Variants in CDK14 observed in about 807,000 individuals in gnomAD.
The protein encoded by CDK14 is cyclin dependent kinase 14.
A neutral mutation model predicts 60.7 loss-of-function variants in CDK14; 34 were observed. The ratio of observed to expected loss-of-function variants is 0.56; its 90% CI spans 0.43 to 0.75. The LOEUF is 0.75. Among genes scored for constraint, CDK14 ranks in the 30% least tolerant of loss-of-function variants. The pLI, the probability that CDK14 is intolerant of heterozygous loss-of-function variation, is 0.00. For missense variants in CDK14, 482 were observed against 564.1 expected (o/e 0.85, Z 1.47); for synonymous variants, 197 against 203.7 (o/e 0.97, Z 0.28).
At chr7:91,130,956 G>A (rs1254837433) in intron 14 of CDK14, among the ~76,000 whole-genome samples, 2 of 152,080 alleles carry the variant, frequency 1.3e-5, no homozygotes, top group African/African-American at 4.8e-5. Context: ...CAGAAAACGG[G>A]ACTTGGGTCT....
chr7:91,056,532 A>C (rs1022144047), intron 11 of CDK14, among the ~76,000 whole-genome samples: 2 of 152,040 alleles, frequency 1.3e-5, no homozygotes, highest in Non-Finnish European at 2.9e-5. Context: ...AACATTAGGA[A>C]TATCTCCTAA....
At chr7:90,692,097 C>G (rs1801564832) in intron 2 of CDK14, among the ~76,000 whole-genome samples, 1 of 152,138 alleles carries the variant, frequency 6.6e-6, no homozygotes, top group African/African-American at 2.4e-5. Context: ...ATGGTGTGCT[C>G]CAATCTGCGA....
chr7:90,815,621 T>A (rs1789318339), intron 5 of CDK14, among the ~76,000 whole-genome samples: 1 of 152,206 alleles, frequency 6.6e-6, no homozygotes, highest in Non-Finnish European at 1.5e-5. Flanking sequence ...TACACACATA[T>A]GTTTATTGTG....
chr7:91,120,294 G>A (rs1438753518), intron 14 of CDK14, among the ~76,000 whole-genome samples: 1 of 152,192 alleles, frequency 6.6e-6, no homozygotes, highest in East Asian at 1.9e-4. Flanking sequence ...CAGGACAGAA[G>A]GGTTGCTCAG....
At chr7:90,790,314 T>C (rs1805779148) in intron 4 of CDK14, among the ~76,000 whole-genome samples, 1 of 152,162 alleles carries the variant, frequency 6.6e-6, no homozygotes, top group Non-Finnish European at 1.5e-5. Context: ...AATACTAGTT[T>C]CATTCTGGAA....
intron 10 of CDK14, among the ~76,000 whole-genome samples, chr7:91,045,156 G>A (rs1032134472): frequency 3.3e-5 from 5 of 152,094 alleles, no homozygotes; most frequent in Non-Finnish European, 7.4e-5. Flanking sequence ...TCTGTTCTCA[G>A]TCAGTGATTT....
intron 13 of CDK14, among the ~76,000 whole-genome samples, chr7:91,114,233 A>C (rs1206845809): frequency 6.6e-6 from 1 of 152,148 alleles, no homozygotes; most frequent in African/African-American, 2.4e-5. Context: ...ATGGTCTATG[A>C]ATTCTGAATT....
chr7:90,876,404 T>C (rs1039028655), intron 6 of CDK14, among the ~76,000 whole-genome samples: 7 of 152,230 alleles, frequency 4.6e-5, no homozygotes, highest in Admixed American at 2.6e-4. Context: ...GGGGCAGTTA[T>C]CTGTATAAGC....
At chr7:90,831,455 G>A (rs1042328748) in intron 5 of CDK14, among the ~76,000 whole-genome samples, 4 of 152,194 alleles carry the variant, frequency 2.6e-5, no homozygotes, top group African/African-American at 9.6e-5. Context: ...CTTGACACAT[G>A]GAGATTACAG....
chr7:91,127,546 T>C (rs1311947106), intron 14 of CDK14, among the ~76,000 whole-genome samples: 2 of 152,238 alleles, frequency 1.3e-5, no homozygotes, highest in East Asian at 1.9e-4. Context: ...TCACGTGCAG[T>C]CTCATTGATA....
At chr7:90,631,007 C>G (rs764823599) in intron 2 of CDK14, among the ~76,000 whole-genome samples, 3 of 151,596 alleles carry the variant, frequency 2.0e-5, no homozygotes, top group African/African-American at 4.9e-5. Context: ...GTTTTTCTTT[C>G]TCTGCATGCA....
intron 6 of CDK14, among the ~76,000 whole-genome samples, chr7:90,879,389 C>T (rs1213884432): frequency 1.3e-5 from 2 of 152,004 alleles, no homozygotes; most frequent in African/African-American, 4.8e-5. Context: ...CTCTTTGTAT[C>T]ATTAACATAA....
chr7:90,868,850 G>A (rs780939478), intron 6 of CDK14, among the ~76,000 whole-genome samples: 2 of 152,142 alleles, frequency 1.3e-5, no homozygotes, highest in Non-Finnish European at 2.9e-5. Flanking sequence ...AGTTAAAATG[G>A]TAAAGATATG....
intron 5 of CDK14, among the ~76,000 whole-genome samples, chr7:90,806,620 G>A (rs1258849767): frequency 6.6e-6 from 1 of 152,220 alleles, no homozygotes; most frequent in African/African-American, 2.4e-5. Flanking sequence ...GAAAGTGGGT[G>A]CAGGACACTG....
intron 9 of CDK14, among the ~76,000 whole-genome samples, chr7:90,959,175 A>C (rs3808259): frequency 6.6e-6 from 1 of 152,260 alleles, no homozygotes; most frequent in Admixed American, 6.5e-5. Flanking sequence ...GATAGAAAAT[A>C]GTAGACCCCA....
In CDK14 at chr7:90,942,256, GA is replaced by G. The variant is rs201089196; in HGVS notation, c.827-13439del. ...CAGGCCCTACAACCCCAAGGCTTGG[GA>G]AGGAATATTCTCTCCCTGTGAGAAT... On this transcript the variant is annotated intron_variant, in intron 8 of 14. Transcript: ENST00000380050. 7.8e-3 allele frequency among the ~76,000 whole-genome samples: 1,188 copies of G among 152,276 alleles called. 20 individuals carry two copies. The highest frequency in any genetic ancestry group is 0.028 in the African/African-American group (1,148 of 41,548).
chr7:90,965,099 G>A (rs1294176218), intron 9 of CDK14, among the ~76,000 whole-genome samples: 1 of 152,044 alleles, frequency 6.6e-6, no homozygotes, highest in Non-Finnish European at 1.5e-5. Context: ...TCGGCTTTCT[G>A]ATTTCTTGGC....
chr7:90,915,263 C>T (rs1341815536), intron 7 of CDK14, among the ~76,000 whole-genome samples: 1 of 152,024 alleles, frequency 6.6e-6, no homozygotes, highest in African/African-American at 2.4e-5. Flanking sequence ...GGTGAAACCC[C>T]GTCTCTACTA....
chr7:90,672,445 C>G (rs1801113904), intron 2 of CDK14, among the ~76,000 whole-genome samples: 1 of 139,908 alleles, frequency 7.1e-6, no homozygotes, highest in African/African-American at 2.6e-5. Context: ...GCTTCTTTTA[C>G]TTAGCATAAT....
Sources: gnomAD v4.1 joint callset for allele counts (sites outside exome capture counted in the v4.1 genomes callset) on GRCh38, gnomAD v4.1.1 for gene constraint, MANE v1.5 for transcripts, NCBI Gene and HGNC (gene_info 2026-07-23, HGNC 2026-07-21) for gene names.